The following CFAP52 variants were observed in gnomAD, a reference collection of about 807,000 sequenced individuals.
CFAP52 encodes cilia- and flagella-associated protein 52.
CFAP52 carries 57 observed loss-of-function variants against 70.5 expected under a neutral mutation model. That is an observed-to-expected ratio of 0.81 (90% CI 0.65 to 1.01). CFAP52 has a LOEUF of 1.01. CFAP52 is among the 50% of genes least tolerant of loss of function. CFAP52 has a pLI of 0.00. For missense variants in CFAP52, 785 were observed against 788.5 expected (o/e 1.00, Z 0.05); for synonymous variants, 267 against 292.5 (o/e 0.91, Z 0.89).
At chr17:9,592,366 G>A (rs1908803654) in intron 3 of CFAP52, among the ~76,000 whole-genome samples, 1 of 152,132 alleles carries the variant, frequency 6.6e-6, no homozygotes, top group Non-Finnish European at 1.5e-5. Flanking sequence ...CTACTAGGGA[G>A]GCTGAGGCAG....
At chr17:9,631,944 AT>A (rs938036459) in intron 9 of CFAP52, among the ~76,000 whole-genome samples, 1 of 149,900 alleles carries the variant, frequency 6.7e-6, no homozygotes, top group African/African-American at 2.5e-5. Context: ...AATTTTTGTA[AT>A]TTTTTTTAGT....
intron 10 of CFAP52, among the ~76,000 whole-genome samples, chr17:9,634,156 G>C (rs899826844): frequency 6.6e-6 from 1 of 152,124 alleles, no homozygotes; most frequent in Admixed American, 6.6e-5. Flanking sequence ...CTGTGCCCCA[G>C]ATTCTTTGCT....
chr17:9,612,141 C>CGT (rs1390392847), intron 7 of CFAP52, among the ~76,000 whole-genome samples, 168 bp from the exon 8 acceptor site: 1 of 152,190 alleles, frequency 6.6e-6, no homozygotes, highest in African/African-American at 2.4e-5. Flanking sequence ...CTTTGCTGTT[C>CGT]GTGGGTACAC....
intron 11 of CFAP52, among the ~76,000 whole-genome samples, chr17:9,636,570 C>A (rs1346280127): frequency 2.0e-5 from 3 of 152,078 alleles, no homozygotes. Flanking sequence ...GGATGCCATT[C>A]CTCCACCCCT....
In CFAP52 at chr17:9,592,966, A is replaced by T. The variant is rs1908831267; in HGVS notation, c.408-1227A>T. On this transcript the variant is annotated intron_variant, in intron 3 of 13. Coordinates refer to ENST00000352665, the MANE Select transcript of CFAP52 (RefSeq NM_145054.5). ...TTACCTCCCAATTTTTCCACTTTTGATGGTATCTGTTAATGTCCCACTGTG... is the reference window on the plus strand; with the variant it reads ...TTACCTCCCAATTTTTCCACTTTTGTTGGTATCTGTTAATGTCCCACTGTG... 2.0e-5 allele frequency among the ~76,000 whole-genome samples: 3 copies of T among 152,022 alleles called. No individual in the cohort carries two copies. The South Asian group carries it at 6.2e-4, about 32-fold the overall frequency.
At chr17:9,636,420 C>G (rs1007928058) in intron 11 of CFAP52, among the ~76,000 whole-genome samples, 3 of 152,102 alleles carry the variant, frequency 2.0e-5, no homozygotes, top group Non-Finnish European at 2.9e-5. Context: ...GCGTATCACA[C>G]CCCCATAGAA....
intron 4 of CFAP52, among the ~76,000 whole-genome samples, chr17:9,596,059 G>GTGTGTGTA (rs1555541607): frequency 0.023 from 1,924 of 84,994 alleles, 28 homozygotes; most frequent in Non-Finnish European, 0.03. Flanking sequence ...ATATGTGTGT[G>GTGTGTGTA]TATATATATA....
At chr17:9,626,142 G>T (rs781171629) in intron 8 of CFAP52, among the ~76,000 whole-genome samples, 1 of 152,142 alleles carries the variant, frequency 6.6e-6, no homozygotes, top group Non-Finnish European at 1.5e-5. Context: ...CCTAAACTAA[G>T]AACAATCTAC....
chr17:9,588,271 A>G (rs533182756), intron 3 of CFAP52, among the ~76,000 whole-genome samples: 186 of 152,300 alleles, frequency 1.2e-3, no homozygotes, highest in African/African-American at 4.4e-3. Context: ...CCCTGTGGAC[A>G]CTGTGCAGGT....
chr17:9,595,097 G>A (rs926205049), intron 4 of CFAP52, among the ~76,000 whole-genome samples: 2 of 152,018 alleles, frequency 1.3e-5, no homozygotes, highest in Admixed American at 6.6e-5. Context: ...CACCACATTG[G>A]CCGGGTTGGT....
chr17:9,604,500 G>C (rs369024546), intron 6 of CFAP52, among the ~76,000 whole-genome samples: 2 of 152,138 alleles, frequency 1.3e-5, no homozygotes, highest in South Asian at 2.1e-4. Flanking sequence ...GGGCGCAGTG[G>C]CTTGTGCCTG....
At chr17:9,629,851 A>G (rs760999645) in intron 9 of CFAP52, among the ~76,000 whole-genome samples, 3 of 151,798 alleles carry the variant, frequency 2.0e-5, no homozygotes, top group South Asian at 2.1e-4. Context: ...CGGCCTCCCA[A>G]AGTGATGGGA....
chr17:9,585,563 C>A (rs1029257465), intron 1 of CFAP52, among the ~76,000 whole-genome samples: 2 of 151,696 alleles, frequency 1.3e-5, no homozygotes, highest in Non-Finnish European at 2.9e-5. Flanking sequence ...CCCAGCTACT[C>A]GGGAGGCTGA....
intron 8 of CFAP52, among the ~76,000 whole-genome samples, chr17:9,614,219 G>A (rs1284407157): frequency 2.9e-5 from 4 of 139,776 alleles, no homozygotes; most frequent in Non-Finnish European, 6.0e-5. Context: ...GCAGTGGCAC[G>A]ATCTTGGCTC....
At chr17:9,585,435 A>G (rs529823761) in intron 1 of CFAP52, among the ~76,000 whole-genome samples, 56 of 152,170 alleles carry the variant, frequency 3.7e-4, no homozygotes, top group East Asian at 7.7e-4. Flanking sequence ...TTGGGAGGCT[A>G]AGGTGGACGG....
chr17:9,586,591 A>T, intron 2 of CFAP52, 107 bp from the exon 3 acceptor site: 1 of 1,389,508 alleles, frequency 7.2e-7, no homozygotes, highest in Non-Finnish European at 9.5e-7. Flanking sequence ...AAAAAGAAAG[A>T]AAAAAGAAAA....
At chr17:9,584,825 G>A (rs1908383548) in intron 1 of CFAP52, among the ~76,000 whole-genome samples, 1 of 152,004 alleles carries the variant, frequency 6.6e-6, no homozygotes, top group African/African-American at 2.4e-5. Flanking sequence ...GTTTCACCAT[G>A]TTGGCCAGGC....
intron 7 of CFAP52, 23 bp downstream of exon 7, chr17:9,608,242 T>C (rs1909579348): frequency 6.3e-7 from 1 of 1,581,436 alleles, no homozygotes; most frequent in Non-Finnish European, 8.6e-7. Context: ...TCTCACACAG[T>C]GGGGCTGGGT....
At chr17:9,634,839 G>T (rs536001016) in intron 10 of CFAP52, among the ~76,000 whole-genome samples, 1 of 152,194 alleles carries the variant, frequency 6.6e-6, no homozygotes, top group East Asian at 1.9e-4. Context: ...TCATATTAAT[G>T]ATTTTAAATT....
Sources: allele counts gnomAD v4.1 joint callset (sites outside exome capture counted in the v4.1 genomes callset), GRCh38; gene constraint gnomAD v4.1.1; transcripts MANE v1.5; gene names NCBI Gene and HGNC (gene_info 2026-07-23, HGNC 2026-07-21).